Variants in ASTN1 observed in about 807,000 individuals in gnomAD.
The protein encoded by ASTN1 is astrotactin 1.
A neutral mutation model predicts 140.7 loss-of-function variants in ASTN1; 41 were observed. That is an observed-to-expected ratio of 0.29 (90% CI 0.23 to 0.38). ASTN1 has a LOEUF of 0.38. ASTN1 is among the 10% of genes least tolerant of loss of function. The pLI is 1.00. For synonymous variants in ASTN1, 640 were observed against 652.2 expected (o/e 0.98, Z 0.29); for missense variants, 1,479 against 1,678.8 (o/e 0.88, Z 2.08).
chr1:177,046,932 T>C (rs1677260582), intron 2 of ASTN1, among the ~76,000 whole-genome samples: 2 of 152,152 alleles, frequency 1.3e-5, no homozygotes, highest in African/African-American at 4.8e-5. Context: ...GACCAGCCAT[T>C]CAGCCATTTA....
intron 14 of ASTN1, among the ~76,000 whole-genome samples, chr1:176,940,003 A>T (rs1671648870): frequency 6.6e-6 from 1 of 152,184 alleles, no homozygotes; most frequent in Non-Finnish European, 1.5e-5. Context: ...CCAAGAGTCC[A>T]TCCCCTTTGG....
intron 2 of ASTN1, among the ~76,000 whole-genome samples, chr1:177,034,244 A>AACACAC (rs5778922): frequency 6.9e-4 from 99 of 143,390 alleles, no homozygotes; most frequent in Middle Eastern, 7.4e-3. Context: ...TGAGCAAAGG[A>AACACAC]ACACACACAC....
chr1:176,888,336 C>T, intron 17 of ASTN1, 132 bp from the exon 18 acceptor site: 1 of 1,070,938 alleles, frequency 9.3e-7, no homozygotes, highest in Non-Finnish European at 1.3e-6. Flanking sequence ...GCCACTTTAT[C>T]ATTGTCTCAA....
intron 17 of ASTN1, among the ~76,000 whole-genome samples, chr1:176,889,154 G>A (rs1478010722): frequency 6.6e-6 from 1 of 152,218 alleles, no homozygotes; most frequent in African/African-American, 2.4e-5. Flanking sequence ...TTAGACCAGT[G>A]AAGTAACAGA....
In ASTN1 at chr1:177,032,666, T is replaced by A; in HGVS notation, c.655A>T (p.Asn219Tyr). Residue 219 changes from asparagine to tyrosine, a missense_variant, in exon 3 of 23, where the codon AAT (asparagine) becomes TAT (tyrosine). Physicochemically the swap from Asn to Tyr is moderately radical, Grantham distance 143. Coordinates refer to ENST00000361833, the MANE Select transcript of ASTN1 (RefSeq NM_004319.3). Reference sequence around the variant, plus strand: ...GAGTTGTGGCCCTGCACGCGGGCATTGCGCAGGCTCTCCCGTCCGTGCCCG... The same window carrying A: ...GAGTTGTGGCCCTGCACGCGGGCATAGCGCAGGCTCTCCCGTCCGTGCCCG... ...IGGHGRESLR[N>Y]ARVQGHNSSG... 1 of 1,614,136 alleles carries A rather than the reference T, an allele frequency of 6.2e-7. No homozygotes were observed. The highest frequency in any genetic ancestry group is 8.5e-7 in the Non-Finnish European group (1 of 1,180,032).
chr1:177,130,585 A>G (rs1450784629), intron 1 of ASTN1, among the ~76,000 whole-genome samples: 1 of 152,144 alleles, frequency 6.6e-6, no homozygotes, highest in African/African-American at 2.4e-5. Flanking sequence ...TGTCATTTTC[A>G]TTGAATCCCT....
intron 2 of ASTN1, among the ~76,000 whole-genome samples, chr1:177,054,209 C>T (rs746171475): frequency 3.3e-5 from 5 of 152,090 alleles, no homozygotes; most frequent in Non-Finnish European, 7.4e-5. Context: ...TGCTCAGTCC[C>T]CTTGTCTGCA....
chr1:176,991,536 C>T (rs1293870862), intron 8 of ASTN1, among the ~76,000 whole-genome samples: 8 of 143,774 alleles, frequency 5.6e-5, no homozygotes, highest in Admixed American at 2.1e-4. Flanking sequence ...AGAATTAAAA[C>T]GGAGATGAAG....
chr1:177,014,827 T>G lies in ASTN1; in HGVS notation c.1487A>C (p.His496Pro). ...EGYMKDPVHK[H>P]LCIRNEWGTN... ...CCCCCATTCGTTCCGAATGCAAAGG[T>G]GCTTATGTACTGGATCCTTCATGTA... is the stretch of plus-strand genomic sequence containing the variant. The change falls in exon 8 of 23, where the codon CAC becomes CCC. Residue 496 changes from histidine (H) to proline (P), a missense_variant. This residue lies in a region of ASTN1 where 729 missense variants were observed against 860.4 expected (regional missense o/e 0.85). Coordinates refer to ENST00000361833, the MANE Select transcript of ASTN1 (RefSeq NM_004319.3). 2 of 1,613,852 alleles carry G rather than the reference T, an allele frequency of 1.2e-6. No individual in the cohort carries two copies. The highest frequency in any genetic ancestry group is 1.7e-6 in the Non-Finnish European group (2 of 1,179,820).
At chr1:176,950,248 A>C (rs771119370) in intron 11 of ASTN1, among the ~76,000 whole-genome samples, 2 of 152,178 alleles carry the variant, frequency 1.3e-5, no homozygotes, top group Non-Finnish European at 2.9e-5. Context: ...CCAGGAGGTA[A>C]GCAGTATGAT....
chr1:177,153,946 A>C (rs1158602078), intron 1 of ASTN1, among the ~76,000 whole-genome samples: 1 of 152,184 alleles, frequency 6.6e-6, no homozygotes, highest in East Asian at 1.9e-4. Context: ...TGGGAGTATG[A>C]GGATTTAGGA....
In ASTN1 at chr1:176,894,834, C is replaced by T; in HGVS notation, c.2672-4G>A. 6.2e-7 allele frequency: 1 copy of T among 1,613,282 alleles called. No homozygotes were observed. The highest frequency in any genetic ancestry group is 8.5e-7 in the Non-Finnish European group (1 of 1,180,026). The stretch of plus-strand genomic sequence containing the variant: ...GACTCATCTGATGGGGAGTTGCCTG[C>T]AGACACAAAATGGAAAGAAACAGTG... On this transcript the variant is annotated splice_polypyrimidine_tract_variant and splice_region_variant and intron_variant, in intron 16 of 22. Transcript: ENST00000361833.
intron 21 of ASTN1, among the ~76,000 whole-genome samples, chr1:176,874,291 G>A (rs1293924214): frequency 1.3e-5 from 2 of 152,150 alleles, no homozygotes; most frequent in South Asian, 2.1e-4. Context: ...AGAGACCTTC[G>A]AAAGTCATTC....
chr1:177,164,598 C>T lies in ASTN1; in HGVS notation c.79G>A (p.Val27Met), dbSNP rs142162197. 1,144 of 1,612,536 alleles carry T rather than the reference C, an allele frequency of 7.1e-4. 3 individuals carry two copies. Among genetic ancestry groups the T allele is most frequent in the Non-Finnish European group, 9.2e-4 (1,091 of 1,179,484 alleles). The change falls in exon 1 of 23, where the codon GTG becomes ATG. Residue 27 changes from valine to methionine, a missense_variant. Physicochemically the swap from Val to Met is conservative, Grantham distance 21. Around this residue, in one of 3 missense-constraint regions of ASTN1, gnomAD observed 729 missense variants for 860.4 expected, o/e 0.85. Transcript: ENST00000361833. ...AAVLATAAGD[V>M]DPSKELECKL... is the part of the protein sequence containing the mutation. ...CACTCCAGCTCCTTGGATGGATCCA[C>T]GTCGCCGGCGGCCGTGGCCAGCACC...
intron 1 of ASTN1, among the ~76,000 whole-genome samples, chr1:177,104,135 G>A (rs931949063): frequency 6.6e-6 from 1 of 152,012 alleles, no homozygotes; most frequent in Admixed American, 6.6e-5. Context: ...ATCCTAACAA[G>A]CAGAGCATGG....
chr1:176,888,247 G>C (rs1235508731), intron 17 of ASTN1, 43 bp from the exon 18 acceptor site: 4 of 1,606,312 alleles, frequency 2.5e-6, no homozygotes, highest in Non-Finnish European at 2.6e-6. Flanking sequence ...TGAGAAGCCA[G>C]GGCTAGGCCA....
intron 18 of ASTN1, among the ~76,000 whole-genome samples, chr1:176,887,643 C>T (rs1669085176): frequency 6.6e-6 from 1 of 152,148 alleles, no homozygotes; most frequent in Non-Finnish European, 1.5e-5. Flanking sequence ...CAATGCCTGG[C>T]ACCCAGTAAG....
At chr1:176,858,403 G>A (rs112867249), downstream of ASTN1, among the ~76,000 whole-genome samples, 3 of 152,140 alleles carry the variant, frequency 2.0e-5, no homozygotes, top group East Asian at 1.9e-4. Context: ...AGGGTTAGGA[G>A]GCATTAGGTT....
chr1:177,093,757 A>G (rs1288721851), intron 1 of ASTN1, among the ~76,000 whole-genome samples: 1 of 152,234 alleles, frequency 6.6e-6, no homozygotes, highest in Non-Finnish European at 1.5e-5. Flanking sequence ...AGAAATATCA[A>G]CAAAGAAAAG....
Sources: gnomAD v4.1 joint callset for allele counts (sites outside exome capture counted in the v4.1 genomes callset) on GRCh38, gnomAD v4.1.1 for gene constraint, gnomAD v4.1.1 regional missense constraint, MANE v1.5 for transcripts, NCBI Gene and HGNC (gene_info 2026-07-23, HGNC 2026-07-21) for gene names.